Variants in SLC12A7 observed in about 807,000 individuals in gnomAD.
SLC12A7 encodes the protein K-Cl cotransporter 4.
Under a neutral mutation model 120.6 loss-of-function variants are expected in SLC12A7, and 100 were observed. The ratio of observed to expected loss-of-function variants is 0.83; its 90% CI spans 0.71 to 0.98. The LOEUF is 0.98. Among genes scored for constraint, SLC12A7 ranks in the 50% least tolerant of loss-of-function variants. SLC12A7 has a pLI of 0.00. For synonymous variants in SLC12A7, 760 were observed against 678.0 expected (o/e 1.12, Z -1.88); for missense variants, 1,373 against 1,548.1 (o/e 0.89, Z 1.90).
At chr5:1,085,079 G>A (rs1280305352) in intron 7 of SLC12A7, among the ~76,000 whole-genome samples, 153 bp downstream of exon 7, 3 of 152,228 alleles carry the variant, frequency 2.0e-5, no homozygotes, top group Non-Finnish European at 4.4e-5. Context: ...GTAATCCCCA[G>A]AACGAGCCCA....
At position 1,073,622 on chromosome 5, in the gene SLC12A7, G is replaced by C. The variant is rs200677975; in HGVS notation, c.2241+11C>G. On this transcript the variant is annotated intron_variant, in intron 17 of 23. Transcript: ENST00000264930. ...GAAAGAGGCCTGGCCCCCAGACCCC[G>C]CCCGGCCCACCTCCTCGGCCCGCTG... is the stretch of plus-strand genomic sequence containing the variant. The C allele has an allele frequency of 6.3e-7, 1 of 1,596,430 alleles. No homozygotes were observed. The highest frequency in any genetic ancestry group is 2.3e-5 in the East Asian group (1 of 43,218).
chr5:1,057,718 G>T, intron 21 of SLC12A7, 69 bp from the exon 22 acceptor site: 1 of 1,462,792 alleles, frequency 6.8e-7, no homozygotes, highest in Non-Finnish European at 9.2e-7. Flanking sequence ...GACCCGGGAT[G>T]CCAGGCCGGA....
At chr5:1,092,777 GA>G (rs1740665877) in intron 3 of SLC12A7, among the ~76,000 whole-genome samples, 1 of 151,982 alleles carries the variant, frequency 6.6e-6, no homozygotes, top group Non-Finnish European at 1.5e-5. Context: ...AGACATATTT[GA>G]AAGAAGATTT....
At chr5:1,060,177 G>T (rs752858751) in intron 21 of SLC12A7, among the ~76,000 whole-genome samples, 167 bp downstream of exon 21, 3 of 152,204 alleles carry the variant, frequency 2.0e-5, no homozygotes, top group African/African-American at 7.2e-5. Context: ...GCTCCTGCAG[G>T]GCCTCTGCCA....
the SLC12A7 span, among the ~76,000 whole-genome samples, chr5:1,131,503 G>C: frequency 9.2e-5 from 14 of 152,216 alleles, no homozygotes; most frequent in Non-Finnish European, 1.9e-4. Flanking sequence ...CACCGGCCCT[G>C]GTGGTCAACA....
the SLC12A7 span, among the ~76,000 whole-genome samples, chr5:1,137,459 C>G: frequency 6.6e-6 from 1 of 152,192 alleles, no homozygotes; most frequent in Non-Finnish European, 1.5e-5. Flanking sequence ...CACCCAGCCC[C>G]AGGGGGTCCC....
chr5:1,060,572 GC>G, intron 20 of SLC12A7, 121 bp from the exon 21 acceptor site: 1 of 686,048 alleles, frequency 1.5e-6, no homozygotes, highest in Non-Finnish European at 2.5e-6. Context: ...CGCGTCCCGG[GC>G]CCCACAGGCC....
the SLC12A7 span, among the ~76,000 whole-genome samples, chr5:1,133,101 A>T: frequency 1.1e-3 from 174 of 152,270 alleles, no homozygotes; most frequent in Middle Eastern, 6.8e-3. Flanking sequence ...TATTTTTGGT[A>T]GACGGAGTTT....
At chr5:1,073,901 G>T in intron 16 of SLC12A7, 100 bp from the exon 17 acceptor site, 1 of 1,173,844 alleles carries the variant, frequency 8.5e-7, no homozygotes, top group Non-Finnish European at 1.1e-6. Context: ...CACGACACAG[G>T]TGGGACGGGA....
chr5:1,113,947 A>G (rs960407434), upstream of SLC12A7, among the ~76,000 whole-genome samples: 1 of 152,214 alleles, frequency 6.6e-6, no homozygotes, highest in African/African-American at 2.4e-5. Context: ...AGCAGGAGCA[A>G]CAGATGTGCA....
upstream of SLC12A7, among the ~76,000 whole-genome samples, chr5:1,115,645 C>T (rs943384193): frequency 3.9e-5 from 6 of 152,104 alleles, no homozygotes; most frequent in Admixed American, 1.3e-4. Flanking sequence ...TGGAGAGCTC[C>T]GTGTCCAGGG....
rs1020679625 is a variant in SLC12A7, at chr5:1,076,688, G to C, written c.1748+6C>G. 1 of 1,601,514 alleles carries C rather than the reference G, an allele frequency of 6.2e-7. No homozygotes were observed. The highest frequency in any genetic ancestry group is 1.3e-5 in the African/African-American group (1 of 74,704). On this transcript the variant is annotated splice_donor_region_variant and intron_variant, in intron 13 of 23. Coordinates refer to ENST00000264930, the MANE Select transcript of SLC12A7 (RefSeq NM_006598.3). The stretch of plus-strand genomic sequence containing the variant: ...ATCCCCAGGTCCCCGTCCTGTGGGG[G>C]CTCACATGGAGAGGATCGGGGCCAC...
chr5:1,059,506 C>T (rs1235479852), intron 21 of SLC12A7, among the ~76,000 whole-genome samples: 2 of 152,208 alleles, frequency 1.3e-5, no homozygotes, highest in East Asian at 3.9e-4. Flanking sequence ...GTGGGACCCA[C>T]GAAGACCCCA....
At chr5:1,084,468 G>A (rs529015946) in intron 7 of SLC12A7, among the ~76,000 whole-genome samples, 34 of 152,314 alleles carry the variant, frequency 2.2e-4, no homozygotes, top group Non-Finnish European at 2.6e-4. Context: ...AGCCACCCTC[G>A]TGCCACGTGC....
the SLC12A7 span, among the ~76,000 whole-genome samples, chr5:1,143,302 G>A: frequency 6.6e-6 from 1 of 152,216 alleles, no homozygotes; most frequent in African/African-American, 2.4e-5. Context: ...CATGGGCGGG[G>A]GCTTCAACAC....
intron 1 of SLC12A7, among the ~76,000 whole-genome samples, chr5:1,104,627 C>A (rs1193341856): frequency 6.6e-6 from 1 of 152,178 alleles, no homozygotes; most frequent in Non-Finnish European, 1.5e-5. Context: ...GCGGGGCCCA[C>A]TCTCATCCCG....
intron 11 of SLC12A7, among the ~76,000 whole-genome samples, chr5:1,078,219 G>A (rs1738592277): frequency 6.6e-6 from 1 of 152,168 alleles, no homozygotes; most frequent in Non-Finnish European, 1.5e-5. Context: ...GCGGGGGAGG[G>A]GGTCCTGCTC....
the SLC12A7 span, among the ~76,000 whole-genome samples, chr5:1,128,384 A>G: frequency 1.3e-5 from 2 of 152,222 alleles, no homozygotes; most frequent in Non-Finnish European, 2.9e-5. Context: ...GACTCAGACA[A>G]ACAAAAGCCA....
upstream of SLC12A7, chr5:1,112,071 A>G (rs1743067875): frequency 5.0e-6 from 6 of 1,191,720 alleles, no homozygotes; most frequent in East Asian, 1.8e-4. Flanking sequence ...ACTTGGAGGC[A>G]GGGGCGGGGT....
Sources: allele counts gnomAD v4.1 joint callset (sites outside exome capture counted in the v4.1 genomes callset), GRCh38; gene constraint gnomAD v4.1.1; transcripts MANE v1.5; gene names NCBI Gene and HGNC (gene_info 2026-07-23, HGNC 2026-07-21).